Variants in AKAP9 observed in about 807,000 individuals in gnomAD.
The protein encoded by AKAP9 is A-kinase anchor protein 9.
Under a neutral mutation model 488.5 loss-of-function variants are expected in AKAP9, and 311 were observed. The ratio of observed to expected loss-of-function variants is 0.64; its 90% CI spans 0.58 to 0.70. AKAP9 has a LOEUF of 0.70. Ranked by LOEUF, AKAP9 falls within the 30% of genes least tolerant of loss-of-function variation. The pLI, the probability that AKAP9 is intolerant of heterozygous loss-of-function variation, is 0.00. For synonymous variants in AKAP9, 1,462 were observed against 1,483.5 expected (o/e 0.99, Z 0.33); for missense variants, 4,215 against 4,374.5 (o/e 0.96, Z 1.03).
chr7:91,976,837 A>G (rs1279276877), intron 2 of AKAP9, among the ~76,000 whole-genome samples: 1 of 151,956 alleles, frequency 6.6e-6, no homozygotes, highest in Admixed American at 6.6e-5. Context: ...TGATTATTTT[A>G]TAATTTCTTC....
chr7:92,057,176 G>T (rs1250602360), intron 22 of AKAP9, among the ~76,000 whole-genome samples: 1 of 152,010 alleles, frequency 6.6e-6, no homozygotes, highest in Non-Finnish European at 1.5e-5. Flanking sequence ...TATGAAAATA[G>T]GTTATAACTG....
intron 28 of AKAP9, among the ~76,000 whole-genome samples, chr7:92,074,850 C>T (rs1484792060): frequency 1.3e-5 from 2 of 151,886 alleles, no homozygotes; most frequent in African/African-American, 4.8e-5. Flanking sequence ...CATCACAAAC[C>T]AGGGCCTTTT....
At chr7:92,052,503 C>G in intron 21 of AKAP9, among the ~76,000 whole-genome samples, 1 of 152,182 alleles carries the variant, frequency 6.6e-6, no homozygotes, top group Non-Finnish European at 1.5e-5. Context: ...CCCACATGAT[C>G]AATTTCTGCA....
chr7:92,045,180 G>C lies in AKAP9; in HGVS notation c.5335G>C (p.Val1779Leu). The part of the protein sequence containing the change: ...LIWRSEAEAS[V>L]KSCVHEEHTR... ...TTGGAGGTCAGAAGCAGAGGCATCT[G>C]TAAAGTCATGTGTCCATGAGGAACA... Residue 1779 changes from valine (V) to leucine (L), a missense_variant, in exon 21 of 50, where the codon GTA becomes CTA. Physicochemically the swap from Val to Leu is conservative, Grantham distance 32. Transcript: ENST00000356239. The C allele has an allele frequency of 6.2e-7, 1 of 1,613,818 alleles. No individual in the cohort carries two copies. The highest frequency in any genetic ancestry group is 8.5e-7 in the Non-Finnish European group (1 of 1,179,950).
At position 92,070,112 on chromosome 7, in the gene AKAP9, A is replaced by G. The variant is rs1187168017; in HGVS notation, c.6413A>G (p.Asp2138Gly). The change falls in exon 27 of 50, where the codon GAT (aspartate) becomes GGT (glycine). Residue 2138 changes from aspartate (D) to glycine (G), a missense_variant. By Grantham distance (94) the Asp-to-Gly change is moderately conservative (BLOSUM62 -1). Transcript: ENST00000356239. ...LLLSKEQLQR[D>G]IQERNEEIEK... ...CTCTCTAAAGAGCAGCTTCAAAGGG[A>G]TATACAAGAAAGGAATGAAGAAATA... 8.1e-6 allele frequency: 13 copies of G among 1,614,132 alleles called. No individual in the cohort carries two copies. The highest frequency in any genetic ancestry group is 1.0e-5 in the Non-Finnish European group (12 of 1,179,992).
At chr7:92,083,039 GTTTTTCCT>G in intron 32 of AKAP9, 123 bp from the exon 33 acceptor site, 1 of 1,065,094 alleles carries the variant, frequency 9.4e-7, no homozygotes, top group Non-Finnish European at 1.3e-6. Context: ...TTTCTGAAAT[GTTTTTCCT>G]ACTACTCTGA....
At chr7:92,084,081 G>T (rs1814091501) in intron 33 of AKAP9, among the ~76,000 whole-genome samples, 1 of 152,098 alleles carries the variant, frequency 6.6e-6, no homozygotes, top group African/African-American at 2.4e-5. Flanking sequence ...GCAGTGTTTG[G>T]TTTTCTGTTC....
At chr7:92,035,305 T>C (rs1198607580) in intron 16 of AKAP9, among the ~76,000 whole-genome samples, 1 of 152,248 alleles carries the variant, frequency 6.6e-6, no homozygotes, top group African/African-American at 2.4e-5. Flanking sequence ...TTAAGTTTCT[T>C]TGTGGTCTGG....
At chr7:92,059,486 T>A (rs562970214) in intron 22 of AKAP9, among the ~76,000 whole-genome samples, 1 of 151,876 alleles carries the variant, frequency 6.6e-6, no homozygotes, top group Admixed American at 6.6e-5. Flanking sequence ...TGTGGTTTTA[T>A]GATAAATATT....
At chr7:91,966,482 G>C (rs1794457563) in intron 1 of AKAP9, among the ~76,000 whole-genome samples, 1 of 152,206 alleles carries the variant, frequency 6.6e-6, no homozygotes, top group African/African-American at 2.4e-5. Context: ...CTATTCTGGA[G>C]AATGTTCCAT....
chr7:92,042,639 C>A, intron 19 of AKAP9, 29 bp from the exon 20 acceptor site: 1 of 1,508,516 alleles, frequency 6.6e-7, no homozygotes, highest in South Asian at 1.1e-5. Context: ...TCTGTCTTCT[C>A]CTCTCTTCCT....
At chr7:92,076,588 A>G (rs751733612) in intron 28 of AKAP9, among the ~76,000 whole-genome samples, 3 of 152,162 alleles carry the variant, frequency 2.0e-5, no homozygotes, top group Non-Finnish European at 4.4e-5. Flanking sequence ...AGAAGAGACT[A>G]AGGTAGGAAA....
chr7:92,089,689 G>A, intron 38 of AKAP9, 160 bp downstream of exon 38: 2 of 826,628 alleles, frequency 2.4e-6, no homozygotes, highest in Non-Finnish European at 3.8e-6. Context: ...TACTCTAGGG[G>A]TTAGAGGATT....
At chr7:91,952,212 A>G (rs1220206790) in intron 1 of AKAP9, among the ~76,000 whole-genome samples, 1 of 152,230 alleles carries the variant, frequency 6.6e-6, no homozygotes, top group Admixed American at 6.5e-5. Flanking sequence ...ATTCGAGTAG[A>G]AAGTCAATCA....
intron 17 of AKAP9, among the ~76,000 whole-genome samples, chr7:92,039,242 T>C (rs1013358429): frequency 1.3e-5 from 2 of 152,158 alleles, no homozygotes; most frequent in African/African-American, 4.8e-5. Context: ...TTGTAAGATA[T>C]ATGGATAAGT....
intron 46 of AKAP9, among the ~76,000 whole-genome samples, chr7:92,103,754 A>C (rs1256535136): frequency 6.6e-6 from 1 of 152,110 alleles, no homozygotes; most frequent in Non-Finnish European, 1.5e-5. Context: ...AAATAAATAA[A>C]AGATTATAAA....
At chr7:91,959,905 G>A in intron 1 of AKAP9, among the ~76,000 whole-genome samples, 1 of 152,110 alleles carries the variant, frequency 6.6e-6, no homozygotes, top group African/African-American at 2.4e-5. Context: ...TCCTTAAAAT[G>A]TTGCTTTTGT....
intron 14 of AKAP9, among the ~76,000 whole-genome samples, chr7:92,024,585 T>C (rs1332057363): frequency 6.6e-6 from 1 of 152,092 alleles, no homozygotes; most frequent in Non-Finnish European, 1.5e-5. Context: ...GTCAGTGATA[T>C]ATCACAAACA....
chr7:91,989,402 T>G (rs1179134497), intron 3 of AKAP9, among the ~76,000 whole-genome samples: 1 of 152,144 alleles, frequency 6.6e-6, no homozygotes, highest in East Asian at 1.9e-4. Context: ...CAAATTAAAT[T>G]ATATGCAGTC....
Sources: allele counts gnomAD v4.1 joint callset (sites outside exome capture counted in the v4.1 genomes callset), GRCh38; gene constraint gnomAD v4.1.1; transcripts MANE v1.5; gene names NCBI Gene and HGNC (gene_info 2026-07-23, HGNC 2026-07-21).